TNIP3: variants seen among roughly 807,000 people sequenced by gnomAD.
TNIP3 encodes the protein TNFAIP3 interacting protein 3.
Under a neutral mutation model 54.1 loss-of-function variants are expected in TNIP3, and 34 were observed. The ratio of observed to expected loss-of-function variants is 0.63; its 90% confidence interval spans 0.48 to 0.84. The LOEUF (loss-of-function observed/expected upper bound fraction) is 0.84, where lower values mean the gene tolerates loss of function less well. TNIP3 is among the 40% of genes least tolerant of loss of function. TNIP3 has a pLI of 0.00. For synonymous variants in TNIP3, 134 were observed against 136.8 expected, an observed-to-expected ratio of 0.98 and a Z score of 0.14; for missense variants, 366 against 387.6, an observed-to-expected ratio of 0.94 and a Z score of 0.47.
At chr4:121,184,179 AT>A (rs1724876187) in intron 2 of TNIP3, among the ~76,000 whole-genome samples, 1 of 151,974 alleles carries the variant, frequency 6.6e-6, no homozygotes, top group South Asian at 2.1e-4. Flanking sequence ...CTGACTCATC[AT>A]ATCTCACCCC....
intron 2 of TNIP3, among the ~76,000 whole-genome samples, chr4:121,186,226 G>A (rs566554320): frequency 7.9e-4 from 120 of 152,304 alleles, no homozygotes; most frequent in South Asian, 1.5e-3. Flanking sequence ...GTGACCAGAC[G>A]TGGGGGGGTT....
chr4:121,155,544 C>G (rs1579402443), intron 4 of TNIP3, among the ~76,000 whole-genome samples: 1 of 152,066 alleles, frequency 6.6e-6, no homozygotes, highest in African/African-American at 2.4e-5. Context: ...CAACTGCCAC[C>G]ACTCCTCCAA....
chr4:121,154,816 C>A (rs1729985732), intron 4 of TNIP3, 137 bp from the exon 5 acceptor site: 4 of 721,868 alleles, frequency 5.5e-6, no homozygotes, highest in Non-Finnish European at 8.7e-6. Flanking sequence ...ACAGGACCTG[C>A]AAGACTTTAA....
At chr4:121,160,546 C>G (rs571294346) in intron 2 of TNIP3, among the ~76,000 whole-genome samples, 10 of 152,034 alleles carry the variant, frequency 6.6e-5, no homozygotes, top group Non-Finnish European at 1.3e-4. Flanking sequence ...CTTTTCACTA[C>G]TTCCTCTGTC....
At chr4:121,161,907 C>A (rs1001819106) in intron 1 of TNIP3, among the ~76,000 whole-genome samples, 3 of 152,130 alleles carry the variant, frequency 2.0e-5, no homozygotes, top group African/African-American at 7.2e-5. Context: ...AAGCTGTCTG[C>A]CATCTGCCTA....
At chr4:121,134,260 G>A (rs1173914260) in intron 10 of TNIP3, among the ~76,000 whole-genome samples, 1 of 152,094 alleles carries the variant, frequency 6.6e-6, no homozygotes, top group African/African-American at 2.4e-5. Context: ...TGTACCCTAT[G>A]AAAAATTTGG....
At chr4:121,161,310 T>C in intron 1 of TNIP3, 94 bp from the exon 2 acceptor site, 1 of 1,052,320 alleles carries the variant, frequency 9.5e-7, no homozygotes, top group Non-Finnish European at 1.3e-6. Context: ...TTTGGCCAAC[T>C]CTCCTGTTGC....
chr4:121,178,963 A>C (rs939128431), intron 3 of TNIP3, among the ~76,000 whole-genome samples: 8 of 152,216 alleles, frequency 5.3e-5, no homozygotes, highest in African/African-American at 1.7e-4. Context: ...ATGACATATA[A>C]AGAAGATAAA....
chr4:121,160,345 C>T (rs1730371040), intron 2 of TNIP3, among the ~76,000 whole-genome samples: 1 of 151,854 alleles, frequency 6.6e-6, no homozygotes, highest in African/African-American at 2.4e-5. Flanking sequence ...TGGGCATGGT[C>T]GTGCACGCCT....
At chr4:121,180,565 T>G (rs1481086164) in intron 3 of TNIP3, among the ~76,000 whole-genome samples, 1 of 152,178 alleles carries the variant, frequency 6.6e-6, no homozygotes, top group Non-Finnish European at 1.5e-5. Flanking sequence ...GAGGGAAAGT[T>G]TTGGATGCTG....
exon 1 of TNIP3, chr4:121,227,448 A>C (rs1241651223): frequency 6.9e-6 from 10 of 1,451,412 alleles, no homozygotes; most frequent in African/African-American, 4.2e-5. Flanking sequence ...TAATACGGAG[A>C]CCTGTCTTTA....
chr4:121,174,392 G>A (rs112599363), intron 3 of TNIP3, among the ~76,000 whole-genome samples: 8,510 of 151,688 alleles, frequency 0.056, 391 homozygotes, highest in African/African-American at 0.12. Context: ...GTGACAGAGC[G>A]AGACCCTGTC....
intron 2 of TNIP3, among the ~76,000 whole-genome samples, chr4:121,204,071 A>T (rs369808479): frequency 9.7e-4 from 147 of 151,998 alleles, no homozygotes; most frequent in African/African-American, 3.4e-3. Context: ...TTCAGTTCAT[A>T]CATATTGCTC....
intron 2 of TNIP3, among the ~76,000 whole-genome samples, chr4:121,191,662 G>A (rs2148833080): frequency 6.6e-6 from 1 of 152,202 alleles, no homozygotes; most frequent in African/African-American, 2.4e-5. Flanking sequence ...ACATTCTCTA[G>A]GAATATGAGA....
chr4:121,224,930 T>G (rs1344323615), intron 1 of TNIP3, among the ~76,000 whole-genome samples: 1 of 152,200 alleles, frequency 6.6e-6, no homozygotes, highest in Non-Finnish European at 1.5e-5. Context: ...GAATATAGTG[T>G]GTCAGCATAC....
intron 3 of TNIP3, among the ~76,000 whole-genome samples, chr4:121,170,598 T>C (rs1731012574): frequency 6.6e-6 from 1 of 152,054 alleles, no homozygotes; most frequent in South Asian, 2.1e-4. Context: ...TTTTACTTGA[T>C]TTTGATTAAT....
chr4:121,157,441 GCCTTCTTTTCTCCAAACCACCCAGCTCTT>G (rs1050300376), intron 3 of TNIP3, among the ~76,000 whole-genome samples, 198 bp from the exon 4 acceptor site: 10 of 152,170 alleles, frequency 6.6e-5, no homozygotes, highest in African/African-American at 2.2e-4. Flanking sequence ...CACCAAAACA[GCCTTCTTTTCTCCAAACCACCCAGCTCTT>G]CCTTCTTTTC....
At chr4:121,165,940 TA>T (rs1186276719), upstream of TNIP3, among the ~76,000 whole-genome samples, 1 of 152,224 alleles carries the variant, frequency 6.6e-6, no homozygotes, top group Non-Finnish European at 1.5e-5. Flanking sequence ...ATTGTAAGAA[TA>T]TTTTTCTTCT....
intron 2 of TNIP3, among the ~76,000 whole-genome samples, chr4:121,186,569 T>C (rs757528839): frequency 2.0e-5 from 3 of 152,206 alleles, no homozygotes; most frequent in Admixed American, 2.0e-4. Flanking sequence ...CTTTTTGGCC[T>C]GTTTTGTAAA....
Sources: allele counts gnomAD v4.1 joint callset (sites outside exome capture counted in the v4.1 genomes callset), GRCh38; gene constraint gnomAD v4.1.1; transcripts MANE v1.5; gene names NCBI Gene and HGNC (gene_info 2026-07-23, HGNC 2026-07-21).